Variants in GNAL observed in about 807,000 individuals in gnomAD.
GNAL encodes the protein G protein subunit alpha L, also known as guanine nucleotide-binding protein G(olf) subunit alpha.
Under a neutral mutation model 55.1 loss-of-function variants are expected in GNAL, and 18 were observed. The observed-to-expected ratio is 0.33, with a 90% CI of 0.23 to 0.48. The LOEUF (loss-of-function observed/expected upper bound fraction) is 0.48, where lower values mean the gene tolerates loss of function less well. Ranked by LOEUF, GNAL falls within the 20% of genes least tolerant of loss-of-function variation. The pLI is 0.99. For missense variants in GNAL, 412 were observed against 614.1 expected, an observed-to-expected ratio of 0.67 and a Z score of 3.48; for synonymous variants, 253 against 237.0, an observed-to-expected ratio of 1.07 and a Z score of -0.62.
At chr18:11,697,114 A>T (rs2031436097) in intron 1 of GNAL, among the ~76,000 whole-genome samples, 1 of 152,246 alleles carries the variant, frequency 6.6e-6, no homozygotes, top group Non-Finnish European at 1.5e-5. Flanking sequence ...ATCCTAGCAA[A>T]GGGCAGCCAG....
At chr18:11,778,021 T>C (rs1453149722) in intron 4 of GNAL, among the ~76,000 whole-genome samples, 1 of 152,120 alleles carries the variant, frequency 6.6e-6, no homozygotes, top group Non-Finnish European at 1.5e-5. Flanking sequence ...CCCACCAGCT[T>C]GTGTTGTGCC....
chr18:11,869,036 CCA>C (rs2036330235), intron 9 of GNAL, among the ~76,000 whole-genome samples: 1 of 148,516 alleles, frequency 6.7e-6, no homozygotes, highest in African/African-American at 2.5e-5. Context: ...ACACCCACAC[CCA>C]CACACCCACA....
At chr18:11,699,797 C>T (rs2031515842) in intron 1 of GNAL, among the ~76,000 whole-genome samples, 1 of 152,110 alleles carries the variant, frequency 6.6e-6, no homozygotes, top group African/African-American at 2.4e-5. Flanking sequence ...CTTGTCCAAC[C>T]CACAGAATAT....
chr18:11,729,828 C>G (rs895679230), intron 1 of GNAL, among the ~76,000 whole-genome samples: 1 of 152,088 alleles, frequency 6.6e-6, no homozygotes, highest in Admixed American at 6.5e-5. Context: ...TAAGTCGCCC[C>G]GAGGCAGTTG....
At chr18:11,693,723 C>T (rs934562846) in intron 1 of GNAL, among the ~76,000 whole-genome samples, 2 of 142,838 alleles carry the variant, frequency 1.4e-5, no homozygotes, top group Non-Finnish European at 3.0e-5. Context: ...AGGGAAGGTG[C>T]ACTTGCTCCA....
chr18:11,852,249 C>A, intron 5 of GNAL: 1 of 1,014,234 alleles, frequency 9.9e-7, no homozygotes, highest in Non-Finnish European at 1.4e-6. Context: ...GTTTACAGCC[C>A]CCTCCACATA....
chr18:11,760,862 T>TGAGCACATGACCTC (rs1489379634), intron 4 of GNAL, among the ~76,000 whole-genome samples: 1 of 152,220 alleles, frequency 6.6e-6, no homozygotes, highest in Non-Finnish European at 1.5e-5. Flanking sequence ...TATGTGACCT[T>TGAGCACATGACCTC]GAGCACATGA....
At chr18:11,820,575 GA>G (rs1435927567) in intron 4 of GNAL, among the ~76,000 whole-genome samples, 1 of 152,194 alleles carries the variant, frequency 6.6e-6, no homozygotes, top group Admixed American at 6.5e-5. Flanking sequence ...AGATATGGAT[GA>G]AAAGAAATTG....
chr18:11,767,571 G>A (rs62100063), intron 4 of GNAL, among the ~76,000 whole-genome samples: 6,169 of 151,868 alleles, frequency 0.041, 390 homozygotes, highest in African/African-American at 0.13. Context: ...CACTCTCCAC[G>A]CCCTTGGCCT....
intron 1 of GNAL, among the ~76,000 whole-genome samples, chr18:11,712,898 C>T (rs2031871330): frequency 6.6e-6 from 1 of 152,114 alleles, no homozygotes; most frequent in African/African-American, 2.4e-5. Context: ...ACCTGAAACT[C>T]CCTCGTGGGC....
rs1470223369 is a variant in GNAL at position 11,751,659 on chromosome 18, G to A, written c.377-1194G>A. ...CGGGGTGCAAGAGAGCCAGGCGGCCGCGGCGCAGCGGAGGGGCTGCGGGCC... is the reference window on the plus strand; with the variant it reads ...CGGGGTGCAAGAGAGCCAGGCGGCCACGGCGCAGCGGAGGGGCTGCGGGCC... On this transcript the variant is annotated intron_variant, in intron 1 of 11. Transcript: ENST00000334049. The surrounding 1 kb of genome is among the most constrained non-coding windows in gnomAD (Gnocchi z 4.5). 3.0e-6 allele frequency: 3 copies of A among 985,328 alleles called. No homozygotes were observed. The highest frequency in any genetic ancestry group is 6.1e-5 in the Admixed American group (1 of 16,268). 61.0% of individuals were successfully genotyped at this position (985,328 alleles called of 1,614,324 possible).
At chr18:11,861,127 C>T (rs2036124045) in intron 5 of GNAL, among the ~76,000 whole-genome samples, 1 of 152,176 alleles carries the variant, frequency 6.6e-6, no homozygotes, top group African/African-American at 2.4e-5. Context: ...AGGACAGAAC[C>T]AGCCAACTGG....
At chr18:11,852,204 C>A in intron 5 of GNAL, 3 of 1,408,994 alleles carry the variant, frequency 2.1e-6, no homozygotes, top group Non-Finnish European at 2.8e-6. Flanking sequence ...AAACTCTGAA[C>A]ACGCCAGAAT....
intron 5 of GNAL, among the ~76,000 whole-genome samples, chr18:11,845,929 AAT>A (rs2035724963): frequency 6.6e-6 from 1 of 152,100 alleles, no homozygotes; most frequent in Admixed American, 6.6e-5. Context: ...ACGCCACTTA[AAT>A]AATACATTTT....
intron 5 of GNAL, among the ~76,000 whole-genome samples, chr18:11,838,170 G>A (rs2035537793): frequency 6.6e-6 from 1 of 152,156 alleles, no homozygotes; most frequent in South Asian, 2.1e-4. Context: ...ATCAGCCGAT[G>A]AGTGGATAAA....
intron 1 of GNAL, among the ~76,000 whole-genome samples, chr18:11,709,485 T>C (rs1197101751): frequency 6.6e-6 from 1 of 152,168 alleles, no homozygotes; most frequent in African/African-American, 2.4e-5. Context: ...TCATTTCTTA[T>C]ATCACTGTTT....
At chr18:11,824,889 T>A in intron 4 of GNAL, 29 bp from the exon 5 acceptor site, 1 of 1,274,284 alleles carries the variant, frequency 7.8e-7, no homozygotes, top group Non-Finnish European at 1.1e-6. Flanking sequence ...ACTTTTTTTT[T>A]TTTAATTTGT....
At chr18:11,709,307 T>C (rs1055214585) in intron 1 of GNAL, among the ~76,000 whole-genome samples, 41 of 146,718 alleles carry the variant, frequency 2.8e-4, no homozygotes, top group Non-Finnish European at 5.5e-4. Context: ...TTCTGAGTTT[T>C]AGGACTGTTT....
At chr18:11,692,463 C>G (rs1336139293) in intron 1 of GNAL, among the ~76,000 whole-genome samples, 3 of 152,160 alleles carry the variant, frequency 2.0e-5, no homozygotes, top group Non-Finnish European at 4.4e-5. Context: ...TCCAGAATAT[C>G]GCAGAGCACA....
Sources: gnomAD v4.1 joint callset for allele counts (sites outside exome capture counted in the v4.1 genomes callset) on GRCh38, gnomAD v4.1.1 for gene constraint, Gnocchi (gnomAD v3.1) non-coding constraint, MANE v1.5 for transcripts, NCBI Gene and HGNC (gene_info 2026-07-23, HGNC 2026-07-21) for gene names.